The following ABHD6 variants were observed in gnomAD, a reference collection of about 807,000 sequenced individuals.
ABHD6 encodes the protein abhydrolase domain containing 6, acylglycerol lipase.
In ABHD6, 33 loss-of-function variants were observed where a neutral mutation model predicts 38.8. The ratio of observed to expected loss-of-function variants is 0.85; its 90% CI spans 0.64 to 1.14. The LOEUF (loss-of-function observed/expected upper bound fraction) is 1.14. Among genes scored for constraint, ABHD6 ranks in the 50% most tolerant of loss-of-function variants. ABHD6 has a pLI of 0.00. For synonymous variants in ABHD6, 147 were observed against 161.6 expected (o/e 0.91, Z 0.69); for missense variants, 380 against 422.6 (o/e 0.90, Z 0.88).
At chr3:58,290,231 A>C in intron 9 of ABHD6, among the ~76,000 whole-genome samples, 2 of 106,650 alleles carry the variant, frequency 1.9e-5, no homozygotes, top group Admixed American at 9.3e-5. Context: ...CTCACTTCCC[A>C]GTAGGGGCGG....
In ABHD6 at chr3:58,293,813, C is replaced by T. The variant is rs1229862417; in HGVS notation, c.*48C>T. On this transcript the variant is annotated 3_prime_UTR_variant, in exon 10 of 10. Coordinates refer to ENST00000478253, the MANE Select transcript of ABHD6 (RefSeq NM_001320126.2). This position sits in a 1 kb window ranked among gnomAD's most constrained non-coding sequence, Gnocchi z 4.4. ...CTGCACACAGCATCTGCTCCCATCCCCCAAGTCTGACGCAGCCACCACTCT... is the reference window on the plus strand; with the variant it reads ...CTGCACACAGCATCTGCTCCCATCCTCCAAGTCTGACGCAGCCACCACTCT... 8.2e-6 allele frequency: 13 copies of T among 1,587,592 alleles called. No individual in the cohort carries two copies. Among genetic ancestry groups the T allele is most frequent in the Non-Finnish European group, 1.1e-5 (13 of 1,163,652 alleles).
At chr3:58,282,290 T>C (rs933947130) in intron 7 of ABHD6, among the ~76,000 whole-genome samples, 9 of 151,852 alleles carry the variant, frequency 5.9e-5, no homozygotes, top group African/African-American at 2.2e-4. Context: ...GAGGAACCCA[T>C]TTGGGAACTA....
rs2097466142 is a variant in ABHD6, at chr3:58,294,634, C to A, written c.*869C>A. On this transcript the variant is annotated 3_prime_UTR_variant, in exon 10 of 10. Transcript: ENST00000478253. The stretch of plus-strand genomic sequence containing the variant: ...TAACATACTAGTTAGTTAATGAATT[C>A]TGTGAATTCTGTGAAGAGTAATGTG... 6.6e-6 allele frequency: 1 copy of A among 152,476 alleles called. No homozygotes were observed. The highest frequency in any genetic ancestry group is 2.4e-5 in the African/African-American group (1 of 41,376). The allele number at this position is 152,476 out of a possible 1,614,324, so 9.4% of individuals were successfully genotyped here.
intron 9 of ABHD6, among the ~76,000 whole-genome samples, chr3:58,290,046 A>C (rs1159619551): frequency 1.4e-4 from 8 of 58,498 alleles, no homozygotes; most frequent in Non-Finnish European, 1.9e-4. Flanking sequence ...GGGGGCTGAC[A>C]TCCCCACCTC....
intron 6 of ABHD6, among the ~76,000 whole-genome samples, chr3:58,271,612 A>G (rs894810369): frequency 2.0e-5 from 3 of 152,034 alleles, no homozygotes; most frequent in African/African-American, 7.2e-5. Flanking sequence ...TTATATGTAC[A>G]TATGTCAACG....
chr3:58,257,706 C>T lies in ABHD6; in HGVS notation c.119+1001C>T, dbSNP rs978418950. Among the ~76,000 whole-genome samples, 9 of 151,986 alleles carry T rather than the reference C, an allele frequency of 5.9e-5. No individual in the cohort carries two copies. The highest frequency in any genetic ancestry group is 1.0e-4 in the Non-Finnish European group (7 of 68,028). On this transcript the variant is annotated intron_variant, in intron 3 of 9. Coordinates refer to ENST00000478253, the MANE Select transcript of ABHD6 (RefSeq NM_001320126.2). The surrounding 1 kb of genome is among the most constrained non-coding windows in gnomAD (Gnocchi z 4.8). ...CCCTGTGATGTCCTGACAGGTGCAG[C>T]GATGTCACTGAAAAATGAACAAGAA...
At chr3:58,288,807 T>C (rs2107478466) in intron 9 of ABHD6, among the ~76,000 whole-genome samples, 1 of 152,336 alleles carries the variant, frequency 6.6e-6, no homozygotes, top group South Asian at 2.1e-4. Context: ...GAGAGATGTG[T>C]CATGCAGGTG....
intron 6 of ABHD6, among the ~76,000 whole-genome samples, chr3:58,272,070 C>G (rs1031437500): frequency 8.5e-5 from 13 of 152,262 alleles, no homozygotes; most frequent in Non-Finnish European, 1.8e-4. Context: ...TCCCAAAGTG[C>G]TGGGAATAGG....
intron 9 of ABHD6, among the ~76,000 whole-genome samples, chr3:58,292,714 C>T (rs556379032): frequency 3.3e-5 from 5 of 151,932 alleles, no homozygotes; most frequent in Admixed American, 2.0e-4. Context: ...GTCAGGAGTT[C>T]GAGACCAGCC....
In ABHD6 at chr3:58,274,647, G is replaced by T; in HGVS notation, c.524-11G>T. ...ATGTATCATCAAGCCATTTGGGTTT[G>T]AATCCCACAGGCCTGCAGTACTCAA... On this transcript the variant is annotated splice_polypyrimidine_tract_variant and intron_variant, in intron 6 of 9. Transcript: ENST00000478253. The T allele has an allele frequency of 6.2e-7, 1 of 1,611,512 alleles. No homozygotes were observed. Among genetic ancestry groups the T allele is most frequent in the South Asian group, 1.1e-5 (1 of 90,694 alleles).
rs1346924904 is a variant in ABHD6 at position 58,256,368 on chromosome 3, G to T, written c.-25-194G>T. The stretch of plus-strand genomic sequence containing the variant: ...ATGTTTTTTTTTTTTACAAATCCAG[G>T]CTCCTCTGAAAAGTTCCTCATTACT... On this transcript the variant is annotated intron_variant, in intron 2 of 9. Transcript: ENST00000478253. This position sits in a 1 kb window ranked among gnomAD's most constrained non-coding sequence, Gnocchi z 4.3. 2.6e-5 allele frequency among the ~76,000 whole-genome samples: 4 copies of T among 151,304 alleles called. No individual in the cohort carries two copies. The highest frequency in any genetic ancestry group is 4.4e-5 in the Non-Finnish European group (3 of 67,930).
In ABHD6 at chr3:58,267,206, T is replaced by C. The variant is rs1264870733; in HGVS notation, c.137T>C (p.Leu46Ser). The stretch of plus-strand genomic sequence containing the variant: ...CCTTCCAGGTACTGGCGGAGGACAT[T>C]GGGCATGCAAGTCCGCTATGTTCAC... ...RIYYWYWRRT[L>S]GMQVRYVHHE... Residue 46 changes from leucine to serine, a missense_variant, in exon 4 of 10, where the codon TTG becomes TCG. Coordinates refer to ENST00000478253, the MANE Select transcript of ABHD6 (RefSeq NM_001320126.2). This position sits in a 1 kb window ranked among gnomAD's most constrained non-coding sequence, Gnocchi z 4.3. 1.2e-6 allele frequency: 2 copies of C among 1,614,140 alleles called. No homozygotes were observed. Among genetic ancestry groups the C allele is most frequent in the Non-Finnish European group, 1.7e-6 (2 of 1,179,984 alleles).
At chr3:58,292,358 C>T (rs760618061) in intron 9 of ABHD6, among the ~76,000 whole-genome samples, 1 of 152,088 alleles carries the variant, frequency 6.6e-6, no homozygotes, top group Non-Finnish European at 1.5e-5. Context: ...AGGAGGGGCC[C>T]TCTTGTCTAG....
At chr3:58,274,531 A>G (rs2097447352) in intron 6 of ABHD6, 127 bp from the exon 7 acceptor site, 4 of 1,012,050 alleles carry the variant, frequency 4.0e-6, no homozygotes, top group Admixed American at 3.0e-5. Context: ...CCAACAAAAA[A>G]GAAATCTACT....
In ABHD6 at chr3:58,251,017, G is replaced by A. The variant is rs925715426; in HGVS notation, c.-26+1075G>A. 5.9e-5 allele frequency among the ~76,000 whole-genome samples: 9 copies of A among 152,114 alleles called. No individual in the cohort carries two copies. The highest frequency in any genetic ancestry group is 2.2e-4 in the African/African-American group (9 of 41,422). ...AGGAGGTTAGACTGATGCAATTACT[G>A]TCAGCAGAAATCAGTAAGTCGGCTA... On this transcript the variant is annotated intron_variant, in intron 2 of 9. Coordinates refer to ENST00000478253, the MANE Select transcript of ABHD6 (RefSeq NM_001320126.2). The surrounding 1 kb of genome is among the most constrained non-coding windows in gnomAD (Gnocchi z 5.4).
Position 58,293,612 on chromosome 3 carries a change from C to T in ABHD6, c.861C>T (p.Asp287=), listed in dbSNP as rs141636572. 739 of 1,614,168 alleles carry T rather than the reference C, an allele frequency of 4.6e-4. 14 individuals are homozygous for T. In the East Asian group the frequency reaches 0.015, roughly 33 times the overall value. The change falls in exon 10 of 10, where the codon GAC becomes GAT. Residue 287 remains aspartate, a synonymous_variant. Transcript: ENST00000478253. The surrounding 1 kb of genome is among the most constrained non-coding windows in gnomAD (Gnocchi z 4.4). ...AGGTGCTGGATGTGTCTGGGGCAGACATGTTGGCCAAGTCAATTGCCAACT... is the reference window on the plus strand; with the variant it reads ...AGGTGCTGGATGTGTCTGGGGCAGATATGTTGGCCAAGTCAATTGCCAACT... ...QDQVLDVSGA[D]MLAKSIANCQ...
intron 7 of ABHD6, among the ~76,000 whole-genome samples, chr3:58,281,004 C>T (rs13080610): frequency 0.093 from 14,083 of 152,170 alleles, 758 homozygotes; most frequent in African/African-American, 0.13. Context: ...TATGAGGTGT[C>T]AATCAGCCCC....
chr3:58,271,525 T>A (rs916998149), intron 6 of ABHD6, among the ~76,000 whole-genome samples: 2 of 152,090 alleles, frequency 1.3e-5, no homozygotes, highest in Admixed American at 1.3e-4. Context: ...GCCCCTCTCC[T>A]TTTTTGGTAA....
At chr3:58,242,150 G>A (rs1417997205) in intron 1 of ABHD6, among the ~76,000 whole-genome samples, 1 of 152,168 alleles carries the variant, frequency 6.6e-6, no homozygotes, top group Non-Finnish European at 1.5e-5. Flanking sequence ...AGGTGTGGGA[G>A]AGCACGGCAT....
Sources: allele counts gnomAD v4.1 joint callset (sites outside exome capture counted in the v4.1 genomes callset), GRCh38; gene constraint gnomAD v4.1.1; non-coding constraint Gnocchi (gnomAD v3.1); transcripts MANE v1.5; gene names NCBI Gene and HGNC (gene_info 2026-07-23, HGNC 2026-07-21).